Variants in SCAF1 observed in about 807,000 individuals in gnomAD.
SCAF1 encodes the protein splicing factor, arginine/serine-rich 19.
A neutral mutation model predicts 91.2 loss-of-function variants in SCAF1; 28 were observed. The ratio of observed to expected loss-of-function variants is 0.31; its 90% confidence interval spans 0.23 to 0.42. The LOEUF is 0.42. SCAF1 is among the 10% of genes least tolerant of loss of function. SCAF1 has a pLI of 1.00. For synonymous variants in SCAF1, 1,036 were observed against 833.7 expected (o/e 1.24, Z -4.18); for missense variants, 1,893 against 1,872.1 (o/e 1.01, Z -0.21).
chr19:49,656,664 C>T (rs919690845), intron 9 of SCAF1, among the ~76,000 whole-genome samples: 2 of 152,210 alleles, frequency 1.3e-5, no homozygotes, highest in African/African-American at 4.8e-5. Context: ...TTGCTGGCCA[C>T]AGGCGGGAAG....
rs1415482819 is a variant in SCAF1, at chr19:49,651,433, GCGC to G, written c.1047_1049del (p.Arg351del). The G allele has an allele frequency of 6.3e-7, 1 of 1,598,312 alleles. No homozygotes were observed. On this transcript the variant is annotated inframe_deletion, in exon 7 of 11. Coordinates refer to ENST00000360565, the MANE Select transcript of SCAF1 (RefSeq NM_021228.3). ...ACTCCACCCGGGCTGATGGAGCCAT[GCGC>G]CGGCGGGTCTTCGTGGTGGGGACCG...
chr19:49,642,160 G>T (rs2081029948), upstream of SCAF1: 1 of 152,178 alleles, frequency 6.6e-6, no homozygotes, highest in South Asian at 2.1e-4. The surrounding 1 kb of genome is among the most constrained non-coding windows in gnomAD (Gnocchi z 4.0). Context: ...CTTTAGCTCC[G>T]CCTCTCTCCT....
At chr19:49,641,705 T>C (rs2081027007), upstream of SCAF1, among the ~76,000 whole-genome samples, 1 of 152,216 alleles carries the variant, frequency 6.6e-6, no homozygotes, top group African/African-American at 2.4e-5. Context: ...CGCCTCAGTC[T>C]CCCGAGTGGG....
intron 1 of SCAF1, among the ~76,000 whole-genome samples, chr19:49,643,807 G>A (rs1004462870): frequency 6.6e-6 from 1 of 152,190 alleles, no homozygotes; most frequent in Non-Finnish European, 1.5e-5. Context: ...GGATGTAATA[G>A]ACTATCAGGG....
rs367978986 is a variant in SCAF1, at chr19:49,658,338, C to T, written c.3878C>T (p.Pro1293Leu). The change falls in exon 11 of 11, where the codon CCG (proline) becomes CTG (leucine). Residue 1293 changes from proline to leucine, a missense_variant. Around this residue, in one of 5 missense-constraint regions of SCAF1, gnomAD observed 51 missense variants for 49.9 expected, o/e 1.02. Transcript: ENST00000360565. ...GGGGACCCCCCAGGGCCCCCACGGC[C>T]GCCCAAGGAGCCAGGGCCCCCAGAC... ...KPGDPPGPPR[P>L]PKEPGPPDKG... is the part of the protein sequence containing the mutation. The T allele has an allele frequency of 2.6e-4, 408 of 1,584,044 alleles. 2 individuals are homozygous for T. Among genetic ancestry groups the T allele is most frequent in the South Asian group, 3.6e-4 (32 of 88,108 alleles).
intron 6 of SCAF1, among the ~76,000 whole-genome samples, chr19:49,647,283 T>C (rs2081061063): frequency 2.0e-5 from 3 of 152,196 alleles, no homozygotes; most frequent in Admixed American, 2.0e-4. Flanking sequence ...GAGGAATCTC[T>C]TCCTCCAACC....
intron 6 of SCAF1, 54 bp from the exon 7 acceptor site, chr19:49,650,814 C>T (rs1430836671): frequency 7.0e-7 from 1 of 1,432,522 alleles, no homozygotes; most frequent in African/African-American, 1.4e-5. Context: ...AGCAAGCAGG[C>T]ACCAGGAGGG....
Position 49,651,398 on chromosome 19 carries a change from C to T in SCAF1, c.1009C>T (p.Pro337Ser), listed in dbSNP as rs1400231242. 4 of 1,607,286 alleles carry T rather than the reference C, an allele frequency of 2.5e-6. No homozygotes were observed. Among genetic ancestry groups the T allele is most frequent in the Non-Finnish European group, 3.4e-6 (4 of 1,178,678 alleles). Residue 337 changes from proline to serine, a missense_variant, in exon 7 of 11, where the codon CCC (proline) becomes TCC (serine). By Grantham distance (74) the Pro-to-Ser change is moderately conservative. Coordinates refer to ENST00000360565, the MANE Select transcript of SCAF1 (RefSeq NM_021228.3). ...TQPTPAPGTP[P>S]QVDSTRADGA... ...GCCGACTCCCGCCCCTGGAACGCCG[C>T]CCCAGGTGGACTCCACCCGGGCTGA...
At chr19:49,655,819 C>T (rs1169237585) in intron 9 of SCAF1, among the ~76,000 whole-genome samples, 5 of 152,060 alleles carry the variant, frequency 3.3e-5, no homozygotes, top group African/African-American at 7.3e-5. Flanking sequence ...TACAGGCACG[C>T]GCCACCATGC....
rs2081056074 is a variant in SCAF1 at position 49,646,537 on chromosome 19, G to A, written c.273G>A (p.Met91Ile). 1 of 1,613,980 alleles carries A rather than the reference G, an allele frequency of 6.2e-7. No homozygotes were observed. The highest frequency in any genetic ancestry group is 1.3e-5 in the African/African-American group (1 of 75,024). ...CTGGCCTCTTCCAGGTGTTGGACAT[G>A]GCCACGGACAGCTTCCTCGCAGGGC... ...GGTDTATVLD[M>I]ATDSFLAGLV... is the part of the protein sequence containing the mutation. The change falls in exon 5 of 11, where the codon ATG becomes ATA. Residue 91 changes from methionine (M) to isoleucine (I), a missense_variant. Met to Ile is a conservative substitution (Grantham distance 10). This residue lies in a region of SCAF1 where 270 missense variants were observed against 292.5 expected (regional missense o/e 0.92). Transcript: ENST00000360565. This position sits in a 1 kb window ranked among gnomAD's most constrained non-coding sequence, Gnocchi z 5.6.
upstream of SCAF1, among the ~76,000 whole-genome samples, chr19:49,641,925 G>A (rs1330220174): frequency 1.3e-5 from 2 of 152,260 alleles, no homozygotes; most frequent in South Asian, 2.1e-4. Context: ...GCAGGGCACT[G>A]TGGGGCGTCA....
In SCAF1 at chr19:49,653,458, GGAGGAGGAGGAAGAAGAA is replaced by G. The variant is rs764348745; in HGVS notation, c.3084_3101del (p.Glu1034_Glu1039del). The G allele has an allele frequency of 2.4e-5, 37 of 1,545,876 alleles. No homozygotes were observed. The highest frequency in any genetic ancestry group is 1.6e-4 in the African/African-American group (12 of 73,604). On this transcript the variant is annotated inframe_deletion, in exon 7 of 11. Coordinates refer to ENST00000360565, the MANE Select transcript of SCAF1 (RefSeq NM_021228.3). ...CTGGGGTCCGAGGTGGGGCGGAGGA[GGAGGAGGAGGAAGAAGAA>G]GAGGAGGAGGAAGAGGAAGAGGAGG...
chr19:49,649,317 G>A (rs765938575), intron 6 of SCAF1, among the ~76,000 whole-genome samples: 1 of 152,178 alleles, frequency 6.6e-6, no homozygotes, highest in Non-Finnish European at 1.5e-5. Context: ...TAGCAATGAG[G>A]CTAGGAAAAG....
At chr19:49,648,950 A>G (rs1258158892) in intron 6 of SCAF1, among the ~76,000 whole-genome samples, 2 of 150,570 alleles carry the variant, frequency 1.3e-5, no homozygotes, top group African/African-American at 2.5e-5. Flanking sequence ...AGCCTGGGTA[A>G]CAGAGTGAGA....
chr19:49,651,418 G>C lies in SCAF1; in HGVS notation c.1029G>C (p.Arg343=). ...PGTPPQVDST[R]ADGAMRRRVF... ...CGCCGCCCCAGGTGGACTCCACCCGGGCTGATGGAGCCATGCGCCGGCGGG... is the reference window on the plus strand; with the variant it reads ...CGCCGCCCCAGGTGGACTCCACCCGCGCTGATGGAGCCATGCGCCGGCGGG... The change falls in exon 7 of 11, where the codon CGG becomes CGC. Residue 343 remains arginine (R), a synonymous_variant. Coordinates refer to ENST00000360565, the MANE Select transcript of SCAF1 (RefSeq NM_021228.3). 2 of 1,605,760 alleles carry C rather than the reference G, an allele frequency of 1.2e-6. No homozygotes were observed. The highest frequency in any genetic ancestry group is 1.7e-6 in the Non-Finnish European group (2 of 1,177,254).
At position 49,651,341 on chromosome 19, in the gene SCAF1, G is replaced by A. The variant is rs773108685; in HGVS notation, c.952G>A (p.Glu318Lys). Residue 318 changes from glutamate (E) to lysine (K), a missense_variant, in exon 7 of 11, where the codon GAG (glutamate) becomes AAG (lysine). Physicochemically the swap from Glu to Lys is moderately conservative, Grantham distance 56 (BLOSUM62 1). Around this residue, in one of 5 missense-constraint regions of SCAF1, gnomAD observed 1,436 missense variants for 1,306.8 expected, o/e 1.10. Coordinates refer to ENST00000360565, the MANE Select transcript of SCAF1 (RefSeq NM_021228.3). ...CCTGAGCCAGGACTTCCCAGGTGAC[G>A]AGAGCCCCCGCCCGGACGCGCAGCC... Reference protein sequence around the residue: ...NSLSQDFPGDESPRPDAQPTQ... With the variant: ...NSLSQDFPGDKSPRPDAQPTQ... The A allele has an allele frequency of 8.1e-6, 13 of 1,608,874 alleles. No individual in the cohort carries two copies. The highest frequency in any genetic ancestry group is 2.2e-5 in the East Asian group (1 of 44,806).
rs377352469 is a variant in SCAF1, at chr19:49,646,079, T to C, written c.167-29T>C. The C allele has an allele frequency of 3.0e-5, 48 of 1,598,700 alleles. No homozygotes were observed. The highest frequency in any genetic ancestry group is 4.1e-5 in the Non-Finnish European group (48 of 1,168,472). On this transcript the variant is annotated intron_variant, in intron 3 of 10. Coordinates refer to ENST00000360565, the MANE Select transcript of SCAF1 (RefSeq NM_021228.3). This position sits in a 1 kb window ranked among gnomAD's most constrained non-coding sequence, Gnocchi z 5.6. ...AAGTCTCTGCAGCAAGTCCCCTGTG[T>C]CCAATCCCCCATGCAAATCTCTCAC...
In SCAF1 at chr19:49,658,408, G is replaced by C. The variant is rs1293457130; in HGVS notation, c.*9G>C. ...CCCTGCCCCCTCTCTGAGAGCCCTGGCCAGCTCTTCGCCCCTCACCTCTTT... is the reference window on the plus strand; with the variant it reads ...CCCTGCCCCCTCTCTGAGAGCCCTGCCCAGCTCTTCGCCCCTCACCTCTTT... On this transcript the variant is annotated 3_prime_UTR_variant, in exon 11 of 11. Coordinates refer to ENST00000360565, the MANE Select transcript of SCAF1 (RefSeq NM_021228.3). 1 of 1,506,532 alleles carries C rather than the reference G, an allele frequency of 6.6e-7. No individual in the cohort carries two copies. The highest frequency in any genetic ancestry group is 2.1e-5 in the Admixed American group (1 of 47,446). 93.3% of individuals were successfully genotyped at this position (1,506,532 alleles called of 1,614,324 possible). A position where few individuals can be genotyped will look rare whatever the true frequency, so the allele number is the denominator to read the frequency against.
intron 10 of SCAF1, 69 bp from the exon 11 acceptor site, chr19:49,658,139 G>A (rs555686145): frequency 6.6e-6 from 10 of 1,508,792 alleles, no homozygotes; most frequent in Admixed American, 1.9e-5. Context: ...TCCAAGCTGC[G>A]CCCAACAGTC....
Sources: allele counts gnomAD v4.1 joint callset (sites outside exome capture counted in the v4.1 genomes callset), GRCh38; gene constraint gnomAD v4.1.1; regional missense constraint gnomAD v4.1.1; non-coding constraint Gnocchi (gnomAD v3.1); transcripts MANE v1.5; gene names NCBI Gene and HGNC (gene_info 2026-07-23, HGNC 2026-07-21).